Variants in FNBP1L observed in about 807,000 individuals in gnomAD.
FNBP1L encodes the protein formin binding protein 1 like, also known as formin-binding protein 1-like.
A neutral mutation model predicts 91.2 loss-of-function variants in FNBP1L; 36 were observed. The observed-to-expected ratio is 0.39, with a 90% CI of 0.30 to 0.52. FNBP1L has a LOEUF of 0.52. Among genes scored for constraint, FNBP1L ranks in the 20% least tolerant of loss-of-function variants. The pLI is 0.66. For synonymous variants in FNBP1L, 242 were observed against 237.0 expected, an observed-to-expected ratio of 1.02 and a Z score of -0.19; for missense variants, 571 against 732.1, an observed-to-expected ratio of 0.78 and a Z score of 2.54.
At chr1:93,450,452 G>A (rs1668456616) in intron 1 of FNBP1L, among the ~76,000 whole-genome samples, 1 of 152,192 alleles carries the variant, frequency 6.6e-6, no homozygotes, top group Non-Finnish European at 1.5e-5. Context: ...GTAATGTAGA[G>A]TGAACTAATA....
intron 1 of FNBP1L, among the ~76,000 whole-genome samples, chr1:93,457,280 C>G (rs775665311): frequency 9.2e-5 from 14 of 152,124 alleles, no homozygotes; most frequent in South Asian, 2.1e-4. Context: ...TCTTTTGCAC[C>G]TTCTTCCTTT....
chr1:93,540,934 C>T lies in FNBP1L; in HGVS notation c.1150-108C>T, dbSNP rs551369063. On this transcript the variant is annotated intron_variant, in intron 10 of 16. Transcript: ENST00000271234. ...ATAATTGTTTGGATTGTGAAATGTA[C>T]GTGATTTATTTTAGTATTGTGAAAA... The T allele has an allele frequency of 4.4e-5, 40 of 912,976 alleles. No homozygotes were observed. The South Asian group carries it at 6.4e-4, about 15-fold the overall frequency. 56.6% of individuals were successfully genotyped at this position (912,976 alleles called of 1,614,324 possible).
intron 1 of FNBP1L, among the ~76,000 whole-genome samples, chr1:93,455,968 C>T (rs1351990501): frequency 6.6e-6 from 1 of 152,166 alleles, no homozygotes; most frequent in Non-Finnish European, 1.5e-5. Context: ...TGCCGTCGGG[C>T]ATTGTGAGAT....
intron 2 of FNBP1L, among the ~76,000 whole-genome samples, chr1:93,507,109 T>A (rs2433276): frequency 1.7e-3 from 111 of 65,182 alleles, no homozygotes; most frequent in Middle Eastern, 7.2e-3. Context: ...ACACACACAC[T>A]CTCTCTCTCT....
chr1:93,454,471 G>A (rs370836716), intron 1 of FNBP1L, among the ~76,000 whole-genome samples: 10 of 152,154 alleles, frequency 6.6e-5, no homozygotes, highest in African/African-American at 2.2e-4. Flanking sequence ...TACTTTGGTG[G>A]CAGGAGGGGA....
chr1:93,518,060 G>T (rs374471231), intron 2 of FNBP1L, among the ~76,000 whole-genome samples: 1 of 152,098 alleles, frequency 6.6e-6, no homozygotes, highest in Non-Finnish European at 1.5e-5. Flanking sequence ...ATGACAAATG[G>T]TAACTCCTTG....
At chr1:93,519,982 C>T (rs1166045157) in intron 2 of FNBP1L, among the ~76,000 whole-genome samples, 1 of 152,130 alleles carries the variant, frequency 6.6e-6, no homozygotes, top group Non-Finnish European at 1.5e-5. Context: ...CTATGGGTTT[C>T]TTGATGGTAG....
intron 1 of FNBP1L, among the ~76,000 whole-genome samples, chr1:93,452,875 G>A (rs563624952): frequency 6.6e-6 from 1 of 152,306 alleles, no homozygotes; most frequent in East Asian, 1.9e-4. Context: ...ATAATTTTGT[G>A]TCTATTATTT....
rs575826517 is a variant in FNBP1L, at chr1:93,539,478, C to T, written c.1150-1564C>T. On this transcript the variant is annotated intron_variant, in intron 10 of 16. Coordinates refer to ENST00000271234, the MANE Select transcript of FNBP1L (RefSeq NM_001164473.3). Reference sequence around the variant, plus strand: ...TCCCCAAATCTAATTATCAAATTTCCAATTGATAATTTAGTAAGACTAGAT... The same window carrying T: ...TCCCCAAATCTAATTATCAAATTTCTAATTGATAATTTAGTAAGACTAGAT... Among the ~76,000 whole-genome samples, 6 of 152,004 alleles carry T rather than the reference C, an allele frequency of 3.9e-5. No homozygotes were observed. The South Asian group carries it at 1.0e-3, about 26-fold the overall frequency.
intron 2 of FNBP1L, among the ~76,000 whole-genome samples, chr1:93,505,338 A>C (rs1670574963): frequency 6.6e-6 from 1 of 152,188 alleles, no homozygotes; most frequent in East Asian, 1.9e-4. Context: ...CACCGAACAA[A>C]GGAGACAGGG....
intron 1 of FNBP1L, among the ~76,000 whole-genome samples, chr1:93,464,604 A>T (rs1004416372): frequency 2.0e-5 from 3 of 152,154 alleles, no homozygotes; most frequent in Admixed American, 6.6e-5. Flanking sequence ...TTTCAATCAT[A>T]ATATGTTGTT....
chr1:93,470,351 C>T (rs1669243355), intron 1 of FNBP1L, among the ~76,000 whole-genome samples: 1 of 152,176 alleles, frequency 6.6e-6, no homozygotes, highest in African/African-American at 2.4e-5. Context: ...TGGTCTTAAA[C>T]TCCTGGGCTC....
intron 1 of FNBP1L, among the ~76,000 whole-genome samples, chr1:93,490,065 G>A (rs1241597196): frequency 6.6e-6 from 1 of 152,184 alleles, no homozygotes; most frequent in African/African-American, 2.4e-5. Flanking sequence ...TTACCAAAAA[G>A]TACTTTATTG....
chr1:93,523,835 A>C (rs1170740620), intron 4 of FNBP1L, among the ~76,000 whole-genome samples: 1 of 152,230 alleles, frequency 6.6e-6, no homozygotes, highest in Non-Finnish European at 1.5e-5. Flanking sequence ...CCATACATAA[A>C]ATTTTATTGG....
At position 93,448,249 on chromosome 1, in the gene FNBP1L, A is replaced by G; in HGVS notation, c.-33A>G. 3 of 1,521,036 alleles carry G rather than the reference A, an allele frequency of 2.0e-6. No individual in the cohort carries two copies. Among genetic ancestry groups the G allele is most frequent in the Non-Finnish European group, 2.6e-6 (3 of 1,134,084 alleles). 94.2% of individuals were successfully genotyped at this position (1,521,036 alleles called of 1,614,324 possible). A position where few individuals can be genotyped will look rare whatever the true frequency, so the allele number is the denominator to read the frequency against. Reference sequence around the variant, plus strand: ...CTGTGGAGCCGACAGACTGAAGGACAGCGGCACCGCCAGACGGCCAGAAAG... The same window carrying G: ...CTGTGGAGCCGACAGACTGAAGGACGGCGGCACCGCCAGACGGCCAGAAAG... On this transcript the variant is annotated 5_prime_UTR_variant, in exon 1 of 17. Coordinates refer to ENST00000271234, the MANE Select transcript of FNBP1L (RefSeq NM_001164473.3).
intron 2 of FNBP1L, among the ~76,000 whole-genome samples, chr1:93,501,589 GAC>G (rs1220379354): frequency 6.6e-6 from 1 of 152,104 alleles, no homozygotes; most frequent in East Asian, 1.9e-4. Flanking sequence ...TCATGACCCA[GAC>G]ACCTCCCATT....
intron 2 of FNBP1L, among the ~76,000 whole-genome samples, chr1:93,515,468 A>G (rs1050711472): frequency 1.3e-5 from 2 of 152,160 alleles, no homozygotes; most frequent in African/African-American, 4.8e-5. Flanking sequence ...ATGCACACGT[A>G]TATTTATTGC....
intron 1 of FNBP1L, among the ~76,000 whole-genome samples, chr1:93,463,802 T>C (rs1668980129): frequency 6.6e-6 from 1 of 152,234 alleles, no homozygotes; most frequent in African/African-American, 2.4e-5. Context: ...CATCACCTTT[T>C]CTCATGCCCT....
intron 1 of FNBP1L, among the ~76,000 whole-genome samples, chr1:93,496,061 AG>A (rs1670249063): frequency 6.6e-6 from 1 of 152,210 alleles, no homozygotes; most frequent in African/African-American, 2.4e-5. Context: ...TTCAGACCAA[AG>A]TCAGTATTCT....
Sources: gnomAD v4.1 joint callset for allele counts (sites outside exome capture counted in the v4.1 genomes callset) on GRCh38, gnomAD v4.1.1 for gene constraint, MANE v1.5 for transcripts, NCBI Gene and HGNC (gene_info 2026-07-23, HGNC 2026-07-21) for gene names.